Variants in SLC14A2 observed in about 807,000 individuals in gnomAD.
SLC14A2 encodes urea transporter 2.
In SLC14A2, 91 loss-of-function variants were observed where a neutral mutation model predicts 104.6. The ratio of observed to expected loss-of-function variants is 0.87; its 90% confidence interval spans 0.73 to 1.04. The LOEUF (loss-of-function observed/expected upper bound fraction) is 1.04, where lower values mean the gene tolerates loss of function less well. Among genes scored for constraint, SLC14A2 ranks in the 50% least tolerant of loss-of-function variants. The pLI is 0.00. For missense variants in SLC14A2, 1,189 were observed against 1,156.0 expected (o/e 1.03, Z -0.41); for synonymous variants, 476 against 466.4 (o/e 1.02, Z -0.27).
At chr18:45,248,805 C>A (rs1210505617) in intron 1 of SLC14A2, among the ~76,000 whole-genome samples, 2 of 152,200 alleles carry the variant, frequency 1.3e-5, no homozygotes, top group Admixed American at 6.5e-5. Context: ...GGTATTCTGG[C>A]TTAGCTCTTA....
Position 45,672,955 on chromosome 18 carries a change from G to A in SLC14A2, c.2285G>A (p.Trp762Ter). ...CAAGTGTACGGCTGTGATAACCCCTGGACTGGAGGCATCTTCCTCATAGCT... is the reference window on the plus strand; with the variant it reads ...CAAGTGTACGGCTGTGATAACCCCTAGACTGGAGGCATCTTCCTCATAGCT... ...IGQVYGCDNP[W>*]TGGIFLIALF... Residue 762 changes from tryptophan (W) to a stop codon, truncating the protein, a stop_gained, in exon 17 of 20, where the codon TGG becomes TAG. Coordinates refer to ENST00000255226, the MANE Select transcript of SLC14A2 (RefSeq NM_007163.4). LOFTEE classifies it high-confidence loss of function. 6.2e-7 allele frequency: 1 copy of A among 1,614,084 alleles called. No individual in the cohort carries two copies. The highest frequency in any genetic ancestry group is 1.7e-5 in the Admixed American group (1 of 60,004).
Position 45,678,995 on chromosome 18 carries a change from G to A in SLC14A2, c.2533G>A (p.Gly845Ser). The change falls in exon 19 of 20, where the codon GGT becomes AGT. Residue 845 changes from glycine to serine, a missense_variant. Transcript: ENST00000255226. ...TCTAGCACTGTTTGCTGCCTACCTG[G>A]GTGCTGCCCTGGCTAACATGTTATC... Reference protein sequence around the residue: ...IACALFAAYLGAALANMLSVF... With the variant: ...IACALFAAYLSAALANMLSVF... 1 of 1,603,018 alleles carries A rather than the reference G, an allele frequency of 6.2e-7. No individual in the cohort carries two copies. The highest frequency in any genetic ancestry group is 2.2e-5 in the East Asian group (1 of 44,546).
chr18:45,260,225 G>A (rs1240766739), intron 1 of SLC14A2, among the ~76,000 whole-genome samples: 2 of 152,090 alleles, frequency 1.3e-5, no homozygotes, highest in Non-Finnish European at 2.9e-5. Context: ...ATCATACTAG[G>A]GAAGGCATAA....
intron 1 of SLC14A2, among the ~76,000 whole-genome samples, chr18:45,372,283 G>A (rs1056961258): frequency 6.6e-6 from 1 of 151,466 alleles, no homozygotes; most frequent in Admixed American, 6.6e-5. Flanking sequence ...CTGCACTCCA[G>A]CCTGGACAAC....
chr18:45,477,812 G>A (rs1241828354), intron 1 of SLC14A2, among the ~76,000 whole-genome samples: 10 of 152,194 alleles, frequency 6.6e-5, no homozygotes, highest in Non-Finnish European at 1.3e-4. Flanking sequence ...TCAAGCCTCA[G>A]TAATGGCGGA....
At position 45,516,111 on chromosome 18, in the gene SLC14A2, G is replaced by T. The variant is rs114488952; in HGVS notation, c.-35+32789G>T. On this transcript the variant is annotated intron_variant, in intron 2 of 20. Coordinates refer to the SLC14A2 transcript ENST00000586448. ...CTGGAGAGGAGCTCTGCTATACCAAGCATAAGGCTGTGTTGATGCTGAGGT... is the reference window on the plus strand; with the variant it reads ...CTGGAGAGGAGCTCTGCTATACCAATCATAAGGCTGTGTTGATGCTGAGGT... Among the ~76,000 whole-genome samples the T allele has an allele frequency of 2.8e-3, 423 of 152,254 alleles. 3 individuals are homozygous for T. The highest frequency in any genetic ancestry group is 9.3e-3 in the African/African-American group (386 of 41,564).
intron 10 of SLC14A2, among the ~76,000 whole-genome samples, chr18:45,654,692 A>G (rs935366368): frequency 3.3e-5 from 5 of 152,144 alleles, no homozygotes; most frequent in African/African-American, 1.2e-4. Flanking sequence ...GCTTGTACAG[A>G]GACTTGTCCA....
chr18:45,538,500 G>T (rs532603702), intron 2 of SLC14A2, among the ~76,000 whole-genome samples: 1 of 152,184 alleles, frequency 6.6e-6, no homozygotes, highest in East Asian at 1.9e-4. Context: ...TTGTTGGCAG[G>T]CCTCAGTTCC....
chr18:45,332,155 A>G (rs571541461), intron 1 of SLC14A2, among the ~76,000 whole-genome samples: 6 of 152,298 alleles, frequency 3.9e-5, no homozygotes, highest in South Asian at 2.1e-4. Flanking sequence ...CTTTGTTTTC[A>G]TACTGCTGGA....
chr18:45,319,803 T>C (rs1346793711), intron 1 of SLC14A2, among the ~76,000 whole-genome samples: 1 of 152,240 alleles, frequency 6.6e-6, no homozygotes, highest in Non-Finnish European at 1.5e-5. Flanking sequence ...GTAGAAGTTG[T>C]AGATAAATGG....
At chr18:45,396,352 T>C (rs2086030580) in intron 1 of SLC14A2, among the ~76,000 whole-genome samples, 1 of 152,190 alleles carries the variant, frequency 6.6e-6, no homozygotes, top group Non-Finnish European at 1.5e-5. Context: ...CCCATGGAAC[T>C]CTATTATAGA....
chr18:45,566,493 G>T (rs1389962079), intron 2 of SLC14A2, among the ~76,000 whole-genome samples: 1 of 139,676 alleles, frequency 7.2e-6, no homozygotes, highest in Non-Finnish European at 1.6e-5. Flanking sequence ...CCCTCGACAT[G>T]CATGTACATG....
chr18:45,454,911 G>A (rs982580890), intron 1 of SLC14A2, among the ~76,000 whole-genome samples: 24 of 152,208 alleles, frequency 1.6e-4, no homozygotes, highest in African/African-American at 5.8e-4. Context: ...CTGTAGCCTT[G>A]TAGTATAGTT....
intron 1 of SLC14A2, among the ~76,000 whole-genome samples, chr18:45,414,223 G>C (rs2086244604): frequency 6.6e-6 from 1 of 152,220 alleles, no homozygotes; most frequent in Non-Finnish European, 1.5e-5. Flanking sequence ...TGCCACTCCA[G>C]GCATGGATGT....
chr18:45,385,139 CT>C (rs2085880896), intron 1 of SLC14A2, among the ~76,000 whole-genome samples: 1 of 152,220 alleles, frequency 6.6e-6, no homozygotes, highest in African/African-American at 2.4e-5. Context: ...CCAAGAAAAC[CT>C]GCAACCGCGA....
At chr18:45,624,957 G>T in intron 2 of SLC14A2, 143 bp downstream of exon 2, 1 of 758,878 alleles carries the variant, frequency 1.3e-6, no homozygotes, top group Non-Finnish European at 2.1e-6. Context: ...ACCCATGGTG[G>T]GTCCTACCTG....
chr18:45,178,347 A>G, the SLC14A2 span, among the ~76,000 whole-genome samples: 1 of 152,206 alleles, frequency 6.6e-6, no homozygotes, highest in African/African-American at 2.4e-5. Context: ...AAGTAATGAA[A>G]TAAAAACATA....
At chr18:45,253,737 G>C (rs1196336683) in intron 1 of SLC14A2, among the ~76,000 whole-genome samples, 2 of 152,260 alleles carry the variant, frequency 1.3e-5, no homozygotes, top group East Asian at 3.9e-4. Flanking sequence ...CTTATCTTCA[G>C]AGAACAAATA....
At chr18:45,172,309 G>A in the SLC14A2 span, among the ~76,000 whole-genome samples, 1 of 152,066 alleles carries the variant, frequency 6.6e-6, no homozygotes, top group Admixed American at 6.6e-5. Context: ...TTCTAGGTGT[G>A]ATAAAATTTA....
Sources: allele counts gnomAD v4.1 joint callset (sites outside exome capture counted in the v4.1 genomes callset), GRCh38; gene constraint gnomAD v4.1.1; transcripts MANE v1.5; gene names NCBI Gene and HGNC (gene_info 2026-07-23, HGNC 2026-07-21).